ZMAT4: variants seen among roughly 807,000 people sequenced by gnomAD.
ZMAT4 encodes the protein zinc finger matrin-type protein 4.
In ZMAT4, 17 loss-of-function variants were observed where a neutral mutation model predicts 28.7. The ratio of observed to expected loss-of-function variants is 0.59; its 90% CI spans 0.41 to 0.89. ZMAT4 has a LOEUF of 0.89. Ranked by LOEUF, ZMAT4 falls within the 40% of genes least tolerant of loss-of-function variation. The pLI, the probability that ZMAT4 is intolerant of heterozygous loss-of-function variation, is 0.00. For missense variants in ZMAT4, 240 were observed against 283.8 expected (o/e 0.85, Z 1.11); for synonymous variants, 117 against 109.2 (o/e 1.07, Z -0.44).
chr8:40,725,184 G>C (rs953689499), intron 3 of ZMAT4, among the ~76,000 whole-genome samples: 2 of 144,702 alleles, frequency 1.4e-5, no homozygotes, highest in Non-Finnish European at 2.9e-5. Context: ...GTTTATTCCT[G>C]CTAAGTCATC....
chr8:40,731,880 G>A (rs1299970437), intron 3 of ZMAT4, among the ~76,000 whole-genome samples: 4 of 152,226 alleles, frequency 2.6e-5, no homozygotes. Context: ...TAATGGAATA[G>A]TATCTAGCCT....
At chr8:40,537,247 C>T (rs900015038) in intron 6 of ZMAT4, among the ~76,000 whole-genome samples, 8 of 151,872 alleles carry the variant, frequency 5.3e-5, no homozygotes, top group Admixed American at 1.3e-4. Flanking sequence ...CCATTCAGGA[C>T]GACTGAAAGT....
chr8:40,554,274 C>T (rs1246080734), intron 6 of ZMAT4, among the ~76,000 whole-genome samples: 1 of 152,066 alleles, frequency 6.6e-6, no homozygotes, highest in Non-Finnish European at 1.5e-5. Context: ...AAGATTACCA[C>T]CAACTTCTGC....
At chr8:40,838,001 A>G (rs1563518167) in intron 1 of ZMAT4, among the ~76,000 whole-genome samples, 1 of 152,214 alleles carries the variant, frequency 6.6e-6, no homozygotes, top group Non-Finnish European at 1.5e-5. Context: ...AACGGAGCAG[A>G]TGGCCCTGAC....
chr8:40,531,129 G>A lies in ZMAT4; in HGVS notation c.*1094C>T, dbSNP rs1380700301. 4.6e-5 allele frequency: 7 copies of A among 152,452 alleles called. No homozygotes were observed. The highest frequency in any genetic ancestry group is 1.7e-4 in the African/African-American group (7 of 41,436). The allele number at this position is 152,452 out of a possible 1,614,324, so 9.4% of individuals were successfully genotyped here. On this transcript the variant is annotated 3_prime_UTR_variant, in exon 7 of 7. Transcript: ENST00000297737. ...ACCAGGCTACAAGACACCAAGTCCG[G>A]TCACCATGGAAAAGAATTAAACCTA...
chr8:40,845,069 C>G (rs1816836670), intron 1 of ZMAT4, among the ~76,000 whole-genome samples: 1 of 152,184 alleles, frequency 6.6e-6, no homozygotes, highest in Admixed American at 6.5e-5. Context: ...AGATTCAGTT[C>G]CCGTTAACAT....
chr8:40,827,062 T>G (rs1563511592), intron 1 of ZMAT4, among the ~76,000 whole-genome samples: 3 of 152,156 alleles, frequency 2.0e-5, no homozygotes, highest in Non-Finnish European at 2.9e-5. Context: ...ATCTTACCTA[T>G]AAGACAGTCC....
chr8:40,791,841 G>A (rs1473292735), intron 2 of ZMAT4, among the ~76,000 whole-genome samples: 1 of 152,184 alleles, frequency 6.6e-6, no homozygotes, highest in Non-Finnish European at 1.5e-5. Context: ...GGCCAGCCCT[G>A]TGCCCTGGTG....
At chr8:40,725,600 C>T (rs879223994) in intron 3 of ZMAT4, among the ~76,000 whole-genome samples, 1 of 152,058 alleles carries the variant, frequency 6.6e-6, no homozygotes, top group South Asian at 2.1e-4. Flanking sequence ...TCAAGTGATT[C>T]GCTGGGATGC....
intron 1 of ZMAT4, among the ~76,000 whole-genome samples, chr8:40,845,792 AAAAAAG>A (rs752351239): frequency 5.2e-4 from 64 of 124,244 alleles, no homozygotes; most frequent in South Asian, 2.4e-3. Context: ...AAAAAAAAAA[AAAAAAG>A]AGAGAGAGAC....
In ZMAT4 at chr8:40,673,952, G is replaced by T. The variant is rs985727113; in HGVS notation, c.577+752C>A. On this transcript the variant is annotated intron_variant, in intron 5 of 6. Transcript: ENST00000297737. ...CACTGTCTTGCCGTGATTTCCCGGA[G>T]ATTTTATTGAAGGGGCTTGGGCTTG... is the stretch of plus-strand genomic sequence containing the variant. Among the ~76,000 whole-genome samples the T allele has an allele frequency of 1.8e-4, 27 of 152,042 alleles. 1 individual carries two copies. Among genetic ancestry groups the T allele is most frequent in the Non-Finnish European group, 3.5e-4 (24 of 68,014 alleles).
chr8:40,689,140 A>C (rs1387334927), intron 4 of ZMAT4, among the ~76,000 whole-genome samples: 1 of 152,226 alleles, frequency 6.6e-6, no homozygotes, highest in African/African-American at 2.4e-5. Context: ...GTTGAAACGG[A>C]GGAGACTTGG....
chr8:40,557,872 C>A (rs1473643134), intron 6 of ZMAT4, among the ~76,000 whole-genome samples: 4 of 152,018 alleles, frequency 2.6e-5, no homozygotes, highest in Non-Finnish European at 4.4e-5. Flanking sequence ...GATGGATAGA[C>A]TGATTGATTG....
intron 3 of ZMAT4, among the ~76,000 whole-genome samples, chr8:40,733,280 T>G (rs1330859809): frequency 6.6e-6 from 1 of 152,152 alleles, no homozygotes; most frequent in Non-Finnish European, 1.5e-5. Flanking sequence ...GGTCTTTCAT[T>G]AAGTTTGTCA....
intron 5 of ZMAT4, among the ~76,000 whole-genome samples, chr8:40,629,370 T>C (rs1806489331): frequency 4.6e-5 from 2 of 43,436 alleles, no homozygotes; most frequent in African/African-American, 9.6e-5. Context: ...ATTGGGAAAT[T>C]TTTTTTTGAC....
chr8:40,674,400 G>C (rs1271152473), intron 5 of ZMAT4: 7 of 306,442 alleles, frequency 2.3e-5, no homozygotes, highest in Non-Finnish European at 4.3e-5. Flanking sequence ...CTCTACAAAA[G>C]CATTTGGTAA....
At chr8:40,746,745 A>G (rs556396304) in intron 3 of ZMAT4, among the ~76,000 whole-genome samples, 1 of 152,282 alleles carries the variant, frequency 6.6e-6, no homozygotes, top group East Asian at 1.9e-4. Context: ...AAAACCGCAC[A>G]TGGTCTGGCT....
chr8:40,740,992 G>A (rs984261612), intron 3 of ZMAT4, among the ~76,000 whole-genome samples: 3 of 148,478 alleles, frequency 2.0e-5, no homozygotes, highest in Admixed American at 6.7e-5. Context: ...TGATAAATGC[G>A]CACACACACA....
At chr8:40,739,843 T>C (rs1199596534) in intron 3 of ZMAT4, among the ~76,000 whole-genome samples, 2 of 152,196 alleles carry the variant, frequency 1.3e-5, no homozygotes, top group Non-Finnish European at 2.9e-5. Context: ...TCCCTCCCTG[T>C]GTCCACATGT....
Sources: gnomAD v4.1 joint callset for allele counts (sites outside exome capture counted in the v4.1 genomes callset) on GRCh38, gnomAD v4.1.1 for gene constraint, MANE v1.5 for transcripts, NCBI Gene and HGNC (gene_info 2026-07-23, HGNC 2026-07-21) for gene names.